Variants in AKAP17A observed in about 807,000 individuals in gnomAD.
AKAP17A encodes the protein A-kinase anchoring protein 17A.
Under a neutral mutation model 52.2 loss-of-function variants are expected in AKAP17A, and 15 were observed. That is an observed-to-expected ratio of 0.29 (90% CI 0.19 to 0.44). AKAP17A has a LOEUF of 0.44. Among genes scored for constraint, AKAP17A ranks in the 20% least tolerant of loss-of-function variants. AKAP17A has a pLI of 1.00. For synonymous variants in AKAP17A, 514 were observed against 424.7 expected, an observed-to-expected ratio of 1.21 and a Z score of -2.58; for missense variants, 1,060 against 1,007.0, an observed-to-expected ratio of 1.05 and a Z score of -0.71.
intron 2 of AKAP17A, 152 bp from the exon 3 acceptor site, chrX:1,595,232 G>GT: frequency 5.3e-6 from 1 of 188,042 alleles, no homozygotes; most frequent in Non-Finnish European, 7.4e-6. Context: ...CCACTGTCTG[G>GT]GTCTGCACCG....
rs751536524 is a variant in AKAP17A, at chrX:1,601,285, C to T, written c.1779C>T (p.Asp593=). 6.1e-5 allele frequency: 98 copies of T among 1,611,426 alleles called. No individual in the cohort carries two copies. In the African/African-American group the frequency reaches 6.3e-4, roughly 10 times the overall value. The part of the protein sequence containing the change: ...PSKGRGRATG[D]GLADRHKRER... ...AGGGCCGGGGCCGGGCCACCGGAGA[C>T]GGGCTTGCTGACCGGCACAAGCGGG... Residue 593 remains aspartate, a synonymous_variant, in exon 5 of 5, where the codon GAC becomes GAT. Transcript: ENST00000313871.
chrX:1,597,460 A>C (rs1933065457), intron 3 of AKAP17A, among the ~76,000 whole-genome samples: 2 of 151,978 alleles, frequency 1.3e-5, no homozygotes, highest in Non-Finnish European at 2.9e-5. Context: ...GGTCCCTGGG[A>C]GGGGCGGTTC....
chrX:1,596,019 C>G (rs1487969829), intron 3 of AKAP17A, among the ~76,000 whole-genome samples: 1 of 152,084 alleles, frequency 6.6e-6, no homozygotes, highest in African/African-American at 2.4e-5. Flanking sequence ...GAATGTTTCT[C>G]TTTTTCTTGT....
At chrX:1,599,577 G>T (rs1279828889) in intron 4 of AKAP17A, 145 bp downstream of exon 4, 4 of 1,142,572 alleles carry the variant, frequency 3.5e-6, no homozygotes, top group Non-Finnish European at 5.2e-6. Flanking sequence ...GAGGATGACG[G>T]CTCCTTCCCG....
At chrX:1,600,250 C>T in intron 4 of AKAP17A, 2 of 1,268,228 alleles carry the variant, frequency 1.6e-6, no homozygotes, top group South Asian at 2.5e-5. Flanking sequence ...CAGGCTCGCC[C>T]CGCAGCTACG....
chrX:1,598,472 C>T (rs1274468336), intron 3 of AKAP17A, among the ~76,000 whole-genome samples: 3 of 152,156 alleles, frequency 2.0e-5, no homozygotes, highest in African/African-American at 7.2e-5. Context: ...AAGTCTCCGC[C>T]TCCGTGTCGT....
chrX:1,599,317 C>A lies in AKAP17A; in HGVS notation c.1037C>A (p.Ala346Glu), dbSNP rs1472914552. Residue 346 changes from alanine (A) to glutamate (E), a missense_variant, in exon 4 of 5, where the codon GCG becomes GAG. Coordinates refer to ENST00000313871, the MANE Select transcript of AKAP17A (RefSeq NM_005088.3). Reference sequence around the variant, plus strand: ...CAGAAGAAGCTGGAGAAGCTGCAGGCGGAGGAGCAGAAGCAGCTGCAGGAG... The same window carrying A: ...CAGAAGAAGCTGGAGAAGCTGCAGGAGGAGGAGCAGAAGCAGCTGCAGGAG... ...RNQKKLEKLQAEEQKQLQEKI... is the reference protein window; with the variant it reads ...RNQKKLEKLQEEEQKQLQEKI... 3 of 1,607,714 alleles carry A rather than the reference C, an allele frequency of 1.9e-6. No individual in the cohort carries two copies. Among genetic ancestry groups the A allele is most frequent in the South Asian group, 1.1e-5 (1 of 90,350 alleles).
At chrX:1,595,751 C>G (rs1192732267) in intron 3 of AKAP17A, among the ~76,000 whole-genome samples, 1 of 151,902 alleles carries the variant, frequency 6.6e-6, no homozygotes, top group African/African-American at 2.4e-5. Context: ...GCCTGAGCAT[C>G]TGTGTGCACG....
chrX:1,592,901 AT>A (rs1175216854), intron 1 of AKAP17A, among the ~76,000 whole-genome samples: 1 of 151,980 alleles, frequency 6.6e-6, no homozygotes, highest in Non-Finnish European at 1.5e-5. Context: ...CTTCGTGGAG[AT>A]TACTAGGGTT....
chrX:1,593,189 C>G (rs1179621553), intron 1 of AKAP17A, among the ~76,000 whole-genome samples: 3 of 152,158 alleles, frequency 2.0e-5, no homozygotes, highest in Non-Finnish European at 4.4e-5. Context: ...TCGGGCAGTG[C>G]TGACCGAGGC....
At position 1,601,640 on chromosome X, in the gene AKAP17A, C is replaced by A. The variant is rs1933392331; in HGVS notation, c.*46C>A. On this transcript the variant is annotated 3_prime_UTR_variant, in exon 5 of 5. Coordinates refer to ENST00000313871, the MANE Select transcript of AKAP17A (RefSeq NM_005088.3). ...CGGCCTGTCCGGGAAAGACCAGGACCTGCTCGAGCCTCCTGGCCGCTCCTT... is the reference window on the plus strand; with the variant it reads ...CGGCCTGTCCGGGAAAGACCAGGACATGCTCGAGCCTCCTGGCCGCTCCTT... 2 of 1,370,202 alleles carry A rather than the reference C, an allele frequency of 1.5e-6. No homozygotes were observed. Among genetic ancestry groups the A allele is most frequent in the African/African-American group, 3.0e-5 (2 of 65,746 alleles). 84.9% of individuals were successfully genotyped at this position (1,370,202 alleles called of 1,614,324 possible). A position where few individuals can be genotyped will look rare whatever the true frequency, so the allele number is the denominator to read the frequency against.
Position 1,599,295 on chromosome X carries a change from A to G in AKAP17A, c.1015A>G (p.Lys339Glu). ...GGACCGTGAGCTGCGCCGGAATCAG[A>G]AGAAGCTGGAGAAGCTGCAGGCGGA... is the stretch of plus-strand genomic sequence containing the variant. ...QRDRELRRNQ[K>E]KLEKLQAEEQ... Residue 339 changes from lysine to glutamate, a missense_variant, in exon 4 of 5, where the codon AAG becomes GAG. Physicochemically the swap from Lys to Glu is moderately conservative, Grantham distance 56. Coordinates refer to ENST00000313871, the MANE Select transcript of AKAP17A (RefSeq NM_005088.3). 6.2e-7 allele frequency: 1 copy of G among 1,611,360 alleles called. No individual in the cohort carries two copies. Among genetic ancestry groups the G allele is most frequent in the Non-Finnish European group, 8.5e-7 (1 of 1,179,294 alleles).
chrX:1,596,870 G>C (rs1933019949), intron 3 of AKAP17A, among the ~76,000 whole-genome samples: 1 of 114,924 alleles, frequency 8.7e-6, no homozygotes, highest in Non-Finnish European at 1.8e-5. Context: ...CTAGTGAGGT[G>C]GATTCCTCCT....
In AKAP17A at chrX:1,599,387, C is replaced by A. The variant is rs1174149910; in HGVS notation, c.1107C>A (p.Asn369Lys). ...GCAAGCTGCTGCTGGCCCAGAGGAA[C>A]CTGCAGTCCATCCGGCTCATCGCCG... ...EERKLLLAQR[N>K]LQSIRLIAEL... Residue 369 changes from asparagine (N) to lysine (K), a missense_variant, in exon 4 of 5, where the codon AAC becomes AAA. Coordinates refer to ENST00000313871, the MANE Select transcript of AKAP17A (RefSeq NM_005088.3). The A allele has an allele frequency of 1.3e-6, 2 of 1,579,462 alleles. No individual in the cohort carries two copies. Among genetic ancestry groups the A allele is most frequent in the African/African-American group, 1.3e-5 (1 of 74,210 alleles).
chrX:1,597,077 A>T (rs1404025154), intron 3 of AKAP17A, among the ~76,000 whole-genome samples: 3 of 152,034 alleles, frequency 2.0e-5, no homozygotes, highest in African/African-American at 7.2e-5. Flanking sequence ...CTCTGGTGGG[A>T]CCGAGTTGGT....
chrX:1,600,458 GT>G (rs1231870747), intron 4 of AKAP17A, among the ~76,000 whole-genome samples, 200 bp from the exon 5 acceptor site: 6 of 152,138 alleles, frequency 3.9e-5, no homozygotes, highest in Non-Finnish European at 5.9e-5. Context: ...GGCCCCAGGT[GT>G]GGCCGCGGGA....
intron 3 of AKAP17A, 118 bp from the exon 4 acceptor site, chrX:1,599,074 T>C: frequency 1.4e-6 from 2 of 1,474,646 alleles, no homozygotes; most frequent in South Asian, 1.4e-5. Context: ...GGATAAAGAG[T>C]TAAATGCTTA....
At chrX:1,597,419 G>T (rs180833340) in intron 3 of AKAP17A, among the ~76,000 whole-genome samples, 1 of 152,184 alleles carries the variant, frequency 6.6e-6, no homozygotes, top group Non-Finnish European at 1.5e-5. Context: ...GGGAGGGAGG[G>T]ACATGCTGCT....
rs774935875 is a variant in AKAP17A at position 1,601,212 on chromosome X, G to T, written c.1706G>T (p.Arg569Ile). The T allele has an allele frequency of 6.2e-7, 1 of 1,613,922 alleles. No homozygotes were observed. The highest frequency in any genetic ancestry group is 8.5e-7 in the Non-Finnish European group (1 of 1,179,810). Residue 569 changes from arginine to isoleucine, a missense_variant, in exon 5 of 5, where the codon AGA (arginine) becomes ATA (isoleucine). This residue lies in a region of AKAP17A where 793 missense variants were observed against 629.9 expected (regional missense o/e 1.26). Transcript: ENST00000313871. The stretch of plus-strand genomic sequence containing the variant: ...CCTGCCTGCGAGCAGAATGTCTCCA[G>T]AAAGGACACCCGGTCAGAACAGGAC... ...GIPACEQNVS[R>I]KDTRSEQDKC... is the part of the protein sequence containing the mutation.
Sources: allele counts gnomAD v4.1 joint callset (sites outside exome capture counted in the v4.1 genomes callset), GRCh38; gene constraint gnomAD v4.1.1; regional missense constraint gnomAD v4.1.1; transcripts MANE v1.5; gene names NCBI Gene and HGNC (gene_info 2026-07-23, HGNC 2026-07-21).